Variants in CLASP1 observed in about 807,000 individuals in gnomAD.
The protein encoded by CLASP1 is CLIP-associating protein 1.
In CLASP1, 38 loss-of-function variants were observed where a neutral mutation model predicts 192.3. The ratio of observed to expected loss-of-function variants is 0.20; its 90% CI spans 0.15 to 0.26. The LOEUF is 0.26. Ranked by LOEUF, CLASP1 falls within the 10% of genes least tolerant of loss-of-function variation. The probability of loss-of-function intolerance (pLI) is 1.00; values close to 1 mark genes in which losing one functional copy is unlikely to be tolerated. For missense variants in CLASP1, 1,433 were observed against 1,932.5 expected (o/e 0.74, Z 4.85); for synonymous variants, 691 against 712.8 (o/e 0.97, Z 0.49).
chr2:121,409,361 T>C (rs1553501077), intron 24 of CLASP1, among the ~76,000 whole-genome samples: 1 of 152,200 alleles, frequency 6.6e-6, no homozygotes, highest in Non-Finnish European at 1.5e-5. Context: ...CTCTGAGACA[T>C]TCTGTCTGGC....
intron 34 of CLASP1, among the ~76,000 whole-genome samples, chr2:121,368,502 T>C (rs775492966): frequency 4.6e-5 from 7 of 152,150 alleles, no homozygotes; most frequent in Non-Finnish European, 8.8e-5. Context: ...ATTCAACCGC[T>C]GGCCCTCTGA....
intron 26 of CLASP1, among the ~76,000 whole-genome samples, chr2:121,402,867 G>C (rs2076340158): frequency 1.3e-5 from 2 of 152,158 alleles, no homozygotes; most frequent in African/African-American, 4.8e-5. Context: ...TATTGAGACA[G>C]AGTCTCACTC....
At chr2:121,613,246 C>G (rs2065901247) in intron 1 of CLASP1, among the ~76,000 whole-genome samples, 1 of 152,210 alleles carries the variant, frequency 6.6e-6, no homozygotes, top group Non-Finnish European at 1.5e-5. Flanking sequence ...TCTCTGCCCC[C>G]ACTACAGTAG....
intron 2 of CLASP1, among the ~76,000 whole-genome samples, chr2:121,598,610 A>C (rs962738848): frequency 6.6e-6 from 1 of 152,188 alleles, no homozygotes; most frequent in Non-Finnish European, 1.5e-5. Flanking sequence ...CCAGTTCCAT[A>C]ATCACTAGTT....
chr2:121,608,239 T>A (rs1322751593), intron 1 of CLASP1, among the ~76,000 whole-genome samples: 1 of 152,134 alleles, frequency 6.6e-6, no homozygotes, highest in Non-Finnish European at 1.5e-5. Flanking sequence ...ACCAAAAGAA[T>A]CTCTTTCTGG....
intron 6 of CLASP1, among the ~76,000 whole-genome samples, chr2:121,519,954 C>T (rs1442990059): frequency 1.3e-5 from 2 of 152,186 alleles, no homozygotes; most frequent in Non-Finnish European, 2.9e-5. Context: ...CTCAGGCTCA[C>T]CACAGAAAGG....
chr2:121,605,302 C>T (rs4848713), intron 2 of CLASP1, among the ~76,000 whole-genome samples: 19,156 of 152,166 alleles, frequency 0.13, 2,017 homozygotes, highest in East Asian at 0.47. Flanking sequence ...CACCTTATTA[C>T]CAATTCAATC....
chr2:121,495,522 A>G (rs952084471), intron 8 of CLASP1, among the ~76,000 whole-genome samples: 2 of 150,360 alleles, frequency 1.3e-5, no homozygotes, highest in South Asian at 4.3e-4. Context: ...TTCGCTGGGC[A>G]TGGTGGTGAG....
exon 34 of CLASP1, chr2:121,377,634 A>G (rs1390949413): frequency 6.3e-7 from 1 of 1,582,390 alleles, no homozygotes; most frequent in Non-Finnish European, 8.6e-7. Context: ...GGTTCTCTGT[A>G]TCATAGTCCA....
At chr2:121,620,828 T>C (rs1207616479) in intron 1 of CLASP1, among the ~76,000 whole-genome samples, 2 of 152,226 alleles carry the variant, frequency 1.3e-5, no homozygotes, top group Non-Finnish European at 2.9e-5. Flanking sequence ...TTTTTTCTCA[T>C]TCTGGGATGT....
intron 32 of CLASP1, among the ~76,000 whole-genome samples, chr2:121,382,790 C>A (rs576320222): frequency 4.7e-4 from 71 of 152,218 alleles, no homozygotes; most frequent in African/African-American, 1.7e-3. Flanking sequence ...AGCAGGAGGA[C>A]TCAGAGACCG....
At chr2:121,584,769 C>T (rs911831143) in intron 2 of CLASP1, among the ~76,000 whole-genome samples, 1 of 152,156 alleles carries the variant, frequency 6.6e-6, no homozygotes, top group Admixed American at 6.5e-5. Context: ...TCAGCCAATG[C>T]ACCCTCAACT....
At chr2:121,489,390 A>C (rs2093169900) in intron 8 of CLASP1, among the ~76,000 whole-genome samples, 1 of 152,240 alleles carries the variant, frequency 6.6e-6, no homozygotes, top group African/African-American at 2.4e-5. Flanking sequence ...TTACAAAATA[A>C]ACACTGAGCA....
chr2:121,635,212 A>G (rs2070596240), intron 1 of CLASP1, among the ~76,000 whole-genome samples: 1 of 142,030 alleles, frequency 7.0e-6, no homozygotes, highest in Non-Finnish European at 1.5e-5. Context: ...GCGTCTGTAA[A>G]AAAAAAAAAG....
chr2:121,390,965 T>G (rs2074240037), intron 30 of CLASP1, among the ~76,000 whole-genome samples: 1 of 152,200 alleles, frequency 6.6e-6, no homozygotes, highest in African/African-American at 2.4e-5. Context: ...ACTACAGGCG[T>G]GTGCCACTGT....
At chr2:121,606,262 A>G in intron 1 of CLASP1, 82 bp from the exon 2 acceptor site, 1 of 362,094 alleles carries the variant, frequency 2.8e-6, no homozygotes. Context: ...TCAAAGACAA[A>G]GCAATTCATG....
chr2:121,561,250 A>G (rs1321364625), intron 2 of CLASP1, among the ~76,000 whole-genome samples: 1 of 152,244 alleles, frequency 6.6e-6, no homozygotes, highest in African/African-American at 2.4e-5. Context: ...AAAAGTAATA[A>G]TAAAGGTATA....
At chr2:121,581,251 C>T (rs574487537) in intron 2 of CLASP1, among the ~76,000 whole-genome samples, 89 of 131,544 alleles carry the variant, frequency 6.8e-4, no homozygotes, top group African/African-American at 2.6e-3. Flanking sequence ...TCCCAAAAGG[C>T]CTTTTGTTCT....
intron 31 of CLASP1, 142 bp from the exon 33 acceptor site, chr2:121,387,370 G>C: frequency 1.7e-6 from 1 of 603,222 alleles, no homozygotes; most frequent in Non-Finnish European, 2.8e-6. Context: ...AGAATCATAA[G>C]GCCAATTTTA....
Sources: allele counts gnomAD v4.1 joint callset (sites outside exome capture counted in the v4.1 genomes callset), GRCh38; gene constraint gnomAD v4.1.1; transcripts MANE v1.5; gene names NCBI Gene and HGNC (gene_info 2026-07-23, HGNC 2026-07-21).